Variants in SDK1 observed in about 807,000 individuals in gnomAD.
SDK1 encodes protein sidekick-1.
In SDK1, 157 loss-of-function variants were observed where a neutral mutation model predicts 245.5. The ratio of observed to expected loss-of-function variants is 0.64; its 90% confidence interval spans 0.56 to 0.73. The LOEUF is 0.73. SDK1 is among the 30% of genes least tolerant of loss of function. The pLI is 0.00. For missense variants in SDK1, 3,583 were observed against 3,002.3 expected, an observed-to-expected ratio of 1.19 and a Z score of -4.52; for synonymous variants, 1,647 against 1,278.5, an observed-to-expected ratio of 1.29 and a Z score of -6.15.
At chr7:3,867,700 C>T (rs1372621850) in intron 5 of SDK1, among the ~76,000 whole-genome samples, 2 of 152,134 alleles carry the variant, frequency 1.3e-5, no homozygotes, top group African/African-American at 4.8e-5. Context: ...CATGGGAATT[C>T]AAGATGAGAT....
chr7:4,216,101 C>T (rs1450660530), intron 38 of SDK1, among the ~76,000 whole-genome samples: 1 of 152,218 alleles, frequency 6.6e-6, no homozygotes, highest in Non-Finnish European at 1.5e-5. Flanking sequence ...TCTCTGCCTG[C>T]AGGCATTTCT....
chr7:3,307,113 T>C (rs563064102), intron 1 of SDK1, among the ~76,000 whole-genome samples: 1 of 152,328 alleles, frequency 6.6e-6, no homozygotes, highest in Non-Finnish European at 1.5e-5. Flanking sequence ...ATACTCCTGG[T>C]ACCCAATTAT....
chr7:3,852,501 A>C (rs1379336487), intron 5 of SDK1, among the ~76,000 whole-genome samples: 4 of 151,736 alleles, frequency 2.6e-5, no homozygotes, highest in Non-Finnish European at 5.9e-5. Flanking sequence ...TAATCCCAGC[A>C]CTTTGGGAGG....
At chr7:4,257,799 C>T (rs1194380101) in intron 44 of SDK1, among the ~76,000 whole-genome samples, 1 of 152,218 alleles carries the variant, frequency 6.6e-6, no homozygotes, top group Admixed American at 6.5e-5. Context: ...CCCAGCTTTC[C>T]TCCCCAGAAC....
At chr7:4,053,409 C>G (rs867704653) in intron 19 of SDK1, among the ~76,000 whole-genome samples, 1 of 152,066 alleles carries the variant, frequency 6.6e-6, no homozygotes, top group African/African-American at 2.4e-5. Context: ...AAGGGTCCTC[C>G]GTCATCCTGT....
rs527514993 is a variant in SDK1 at position 3,822,315 on chromosome 7, C to A, written c.847+732C>A. Among the ~76,000 whole-genome samples, 12 of 152,060 alleles carry A rather than the reference C, an allele frequency of 7.9e-5. No individual in the cohort carries two copies. In the South Asian group the frequency reaches 2.1e-3, roughly 26 times the overall value. ...CATGGTATGAAATGAAATTGTCATG[C>A]GGTTGAGAAAATAGGGTTGAAACTA... is the stretch of plus-strand genomic sequence containing the variant. On this transcript the variant is annotated intron_variant, in intron 5 of 44. Transcript: ENST00000404826.
chr7:3,512,639 G>T (rs1367219652), intron 1 of SDK1, among the ~76,000 whole-genome samples: 1 of 152,134 alleles, frequency 6.6e-6, no homozygotes. Flanking sequence ...TCTGGATTTT[G>T]GCCATTCTAG....
At chr7:3,504,037 C>G (rs952653461) in intron 1 of SDK1, among the ~76,000 whole-genome samples, 7 of 151,836 alleles carry the variant, frequency 4.6e-5, no homozygotes, top group African/African-American at 1.7e-4. Context: ...GTAGTCTCAG[C>G]TACTCGGGAG....
At chr7:3,798,829 CA>C (rs977218853) in intron 4 of SDK1, among the ~76,000 whole-genome samples, 21 of 152,166 alleles carry the variant, frequency 1.4e-4, no homozygotes, top group African/African-American at 4.6e-4. Flanking sequence ...AAAACTACCA[CA>C]AAAAATTAAT....
At chr7:3,466,530 C>T (rs1365491230) in intron 1 of SDK1, among the ~76,000 whole-genome samples, 2 of 149,668 alleles carry the variant, frequency 1.3e-5, no homozygotes, top group African/African-American at 4.9e-5. Context: ...GGGCAGTAAG[C>T]TCAGCCTTGC....
chr7:4,135,497 G>C (rs556364483), intron 28 of SDK1, among the ~76,000 whole-genome samples: 1 of 152,358 alleles, frequency 6.6e-6, no homozygotes, highest in African/African-American at 2.4e-5. Flanking sequence ...GCTGTCGTCT[G>C]CACAAGTCAG....
chr7:4,003,745 C>T (rs921486593), intron 14 of SDK1, among the ~76,000 whole-genome samples: 7 of 152,256 alleles, frequency 4.6e-5, no homozygotes, highest in Non-Finnish European at 1.0e-4. Context: ...AGACTCTCAG[C>T]AGCACCTGTC....
intron 1 of SDK1, among the ~76,000 whole-genome samples, chr7:3,548,788 T>C (rs968117250): frequency 3.9e-5 from 6 of 152,224 alleles, no homozygotes; most frequent in Non-Finnish European, 8.8e-5. Flanking sequence ...TTGGCAAGTT[T>C]CTAATTAACC....
chr7:3,863,217 A>G (rs1780738939), intron 5 of SDK1, among the ~76,000 whole-genome samples: 2 of 152,200 alleles, frequency 1.3e-5, no homozygotes, highest in African/African-American at 2.4e-5. Flanking sequence ...AAAGGAACAC[A>G]GGGAATGAAT....
intron 4 of SDK1, among the ~76,000 whole-genome samples, chr7:3,756,507 G>A (rs186521406): frequency 1.3e-5 from 2 of 150,986 alleles, no homozygotes; most frequent in African/African-American, 4.9e-5. Flanking sequence ...GTGCGTGTGA[G>A]ACATGTGTGT....
chr7:4,233,060 C>T (rs995984425), intron 40 of SDK1, 195 bp from the exon 41 acceptor site: 10 of 561,002 alleles, frequency 1.8e-5, no homozygotes, highest in Admixed American at 3.0e-5. Flanking sequence ...ACAATCATCA[C>T]ACCATTCATC....
intron 4 of SDK1, among the ~76,000 whole-genome samples, chr7:3,777,401 G>T (rs1780598532): frequency 6.6e-6 from 1 of 152,192 alleles, no homozygotes; most frequent in South Asian, 2.1e-4. Flanking sequence ...AATCCAGTTT[G>T]ATCCTCACCT....
intron 8 of SDK1, among the ~76,000 whole-genome samples, 177 bp from the exon 9 acceptor site, chr7:3,962,480 C>T (rs745752257): frequency 7.2e-5 from 11 of 152,344 alleles, no homozygotes; most frequent in Admixed American, 1.3e-4. Flanking sequence ...AACACCCCTC[C>T]GTGTCGATGG....
chr7:4,220,155 C>A lies in SDK1; in HGVS notation c.5586C>A (p.Arg1862=), dbSNP rs778968586. ...TGGAAGTGAGAGGGAACTGGCAGCG[C>A]TGGCTGAAGGTGCGGGACCTCACCA... is the stretch of plus-strand genomic sequence containing the variant. The part of the protein sequence containing the change: ...VTVEVRGNWQ[R]WLKVRDLTKG... The change falls in exon 39 of 45, where the codon CGC becomes CGA. Residue 1862 remains arginine (R), a synonymous_variant. Transcript: ENST00000404826. 8.7e-6 allele frequency: 14 copies of A among 1,614,078 alleles called. 1 individual carries two copies. The South Asian group carries it at 1.5e-4, about 18-fold the overall frequency.
Sources: allele counts gnomAD v4.1 joint callset (sites outside exome capture counted in the v4.1 genomes callset), GRCh38; gene constraint gnomAD v4.1.1; transcripts MANE v1.5; gene names NCBI Gene and HGNC (gene_info 2026-07-23, HGNC 2026-07-21).